The following KPNA3 variants were observed in gnomAD, a reference collection of about 807,000 sequenced individuals.
The protein encoded by KPNA3 is importin subunit alpha-4.
In KPNA3, 13 loss-of-function variants were observed where a neutral mutation model predicts 73.8. The observed-to-expected ratio is 0.18, with a 90% CI of 0.11 to 0.28. The LOEUF (loss-of-function observed/expected upper bound fraction) is 0.28, where lower values mean the gene tolerates loss of function less well. KPNA3 is among the 10% of genes least tolerant of loss of function. The pLI is 1.00. For synonymous variants in KPNA3, 186 were observed against 206.9 expected, an observed-to-expected ratio of 0.90 and a Z score of 0.87; for missense variants, 360 against 618.1, an observed-to-expected ratio of 0.58 and a Z score of 4.43.
chr13:49,713,634 AACACACACACACACACAC>A (rs66994650), intron 10 of KPNA3, among the ~76,000 whole-genome samples: 2 of 140,830 alleles, frequency 1.4e-5, no homozygotes, highest in African/African-American at 5.3e-5. Context: ...TCTTAGGTGA[AACACACACACACACACAC>A]ACACACACAC....
At chr13:49,739,973 G>A (rs1447914891) in intron 2 of KPNA3, among the ~76,000 whole-genome samples, 2 of 152,184 alleles carry the variant, frequency 1.3e-5, no homozygotes, top group Admixed American at 1.3e-4. Context: ...AAACACAGCT[G>A]AGTGCAGTGG....
intron 1 of KPNA3, among the ~76,000 whole-genome samples, chr13:49,785,676 A>G (rs1954976570): frequency 6.6e-6 from 1 of 152,184 alleles, no homozygotes; most frequent in South Asian, 2.1e-4. Context: ...AAGGGTAGGA[A>G]GAAGACTTAC....
chr13:49,750,729 T>TG (rs548800993), intron 1 of KPNA3, among the ~76,000 whole-genome samples: 16 of 152,234 alleles, frequency 1.1e-4, no homozygotes, highest in Middle Eastern at 3.4e-3. Context: ...CAGTGGCTCA[T>TG]GCCTGTAATC....
intron 1 of KPNA3, among the ~76,000 whole-genome samples, chr13:49,761,312 C>T (rs544529449): frequency 2.0e-5 from 3 of 152,308 alleles, no homozygotes; most frequent in East Asian, 3.9e-4. Context: ...TGTACTGCTG[C>T]CATCTCGGCT....
chr13:49,779,169 C>A (rs1954921792), intron 1 of KPNA3, among the ~76,000 whole-genome samples: 1 of 152,042 alleles, frequency 6.6e-6, no homozygotes, highest in African/African-American at 2.4e-5. Context: ...TAACTAAAAT[C>A]CAGAATGCAT....
chr13:49,706,418 C>A (rs982864432), intron 12 of KPNA3, 46 bp from the exon 13 acceptor site: 3 of 1,235,726 alleles, frequency 2.4e-6, no homozygotes, highest in African/African-American at 1.5e-5. Flanking sequence ...AAAAATAATA[C>A]CTTTAATGTC....
At chr13:49,774,835 C>T (rs1261782495) in intron 1 of KPNA3, among the ~76,000 whole-genome samples, 1 of 152,108 alleles carries the variant, frequency 6.6e-6, no homozygotes, top group African/African-American at 2.4e-5. Context: ...GTAACTAATA[C>T]AACTAATTAG....
At chr13:49,719,236 TCTATA>T (rs1199540641) in intron 10 of KPNA3, among the ~76,000 whole-genome samples, 1 of 152,156 alleles carries the variant, frequency 6.6e-6, no homozygotes, top group Non-Finnish European at 1.5e-5. Flanking sequence ...TATATATTCT[TCTATA>T]CTATATCTAA....
chr13:49,760,246 C>T (rs1000453522), intron 1 of KPNA3, among the ~76,000 whole-genome samples: 5 of 151,804 alleles, frequency 3.3e-5, no homozygotes, highest in Admixed American at 1.3e-4. Context: ...CCCATCTCTA[C>T]CAAAAATACA....
chr13:49,780,187 C>A (rs1954929668), intron 1 of KPNA3, among the ~76,000 whole-genome samples: 2 of 152,172 alleles, frequency 1.3e-5, no homozygotes, highest in South Asian at 4.1e-4. Flanking sequence ...ATCTAGACCC[C>A]CAACTGATTT....
intron 2 of KPNA3, among the ~76,000 whole-genome samples, chr13:49,737,087 A>G (rs908138109): frequency 1.3e-5 from 2 of 152,196 alleles, no homozygotes; most frequent in South Asian, 4.1e-4. Context: ...ATATTACAGT[A>G]TGTCTATTTA....
At chr13:49,706,755 CTT>C (rs57320112) in intron 12 of KPNA3, among the ~76,000 whole-genome samples, 9 of 148,736 alleles carry the variant, frequency 6.1e-5, no homozygotes, top group Non-Finnish European at 7.5e-5. Context: ...TTTTTCTTTT[CTT>C]TTTTTTTTTG....
At chr13:49,726,311 G>C (rs900091400) in intron 6 of KPNA3, among the ~76,000 whole-genome samples, 1 of 152,074 alleles carries the variant, frequency 6.6e-6, no homozygotes. Flanking sequence ...TTATATTTTC[G>C]AATAGTAATG....
intron 1 of KPNA3, among the ~76,000 whole-genome samples, chr13:49,760,162 C>T (rs1954746986): frequency 6.6e-6 from 1 of 152,086 alleles, no homozygotes. Context: ...GTGGCTCATG[C>T]CTGTAAACCC....
At chr13:49,702,889 T>C (rs1954160731) in intron 15 of KPNA3, among the ~76,000 whole-genome samples, 1 of 152,072 alleles carries the variant, frequency 6.6e-6, no homozygotes, top group South Asian at 2.1e-4. Flanking sequence ...TGAGACGGAG[T>C]CTCGCTCTGT....
At chr13:49,743,122 A>G (rs1954588554) in intron 2 of KPNA3, among the ~76,000 whole-genome samples, 1 of 152,326 alleles carries the variant, frequency 6.6e-6, no homozygotes, top group Middle Eastern at 3.4e-3. Flanking sequence ...AAAATGAAAT[A>G]TTCAAAGCAA....
chr13:49,762,214 G>T (rs377342506), intron 1 of KPNA3, among the ~76,000 whole-genome samples: 1 of 147,410 alleles, frequency 6.8e-6, no homozygotes, highest in Non-Finnish European at 1.5e-5. Context: ...GGCAGCCCCC[G>T]CCCGGCCAGC....
chr13:49,703,013 C>T (rs972143893), intron 15 of KPNA3, among the ~76,000 whole-genome samples: 8 of 151,252 alleles, frequency 5.3e-5, no homozygotes, highest in South Asian at 4.2e-4. Flanking sequence ...GGACTACAGG[C>T]GCCCGCCACC....
chr13:49,707,684 T>C (rs1347563805), intron 12 of KPNA3, among the ~76,000 whole-genome samples: 1 of 148,052 alleles, frequency 6.8e-6, no homozygotes, highest in Non-Finnish European at 1.5e-5. Context: ...AATTATGGAA[T>C]ATATTCATTT....
Sources: allele counts gnomAD v4.1 joint callset (sites outside exome capture counted in the v4.1 genomes callset), GRCh38; gene constraint gnomAD v4.1.1; transcripts MANE v1.5; gene names NCBI Gene and HGNC (gene_info 2026-07-23, HGNC 2026-07-21).